The following CPAMD8 variants were observed in gnomAD, a reference collection of about 807,000 sequenced individuals.
CPAMD8 encodes C3 and PZP like alpha-2-macroglobulin domain containing 8.
In CPAMD8, 146 loss-of-function variants were observed where a neutral mutation model predicts 224.7. The observed-to-expected ratio is 0.65, with a 90% confidence interval of 0.57 to 0.75. The LOEUF is 0.75. Ranked by LOEUF, CPAMD8 falls within the 30% of genes least tolerant of loss-of-function variation. The pLI is 0.00. For synonymous variants in CPAMD8, 966 were observed against 1,044.6 expected (o/e 0.92, Z 1.45); for missense variants, 2,301 against 2,537.5 (o/e 0.91, Z 2.00).
Position 16,989,686 on chromosome 19 carries a change from C to T in CPAMD8, c.1352G>A (p.Ser451Asn), listed in dbSNP as rs573381148. ...TGGCTGCAGCTGCAGGTAGCACTGGCTGGGGGAGTACCAGCTGCCGAGGGA... is the reference window on the plus strand; with the variant it reads ...TGGCTGCAGCTGCAGGTAGCACTGGTTGGGGGAGTACCAGCTGCCGAGGGA... ...YLSLGSWYSPSQCYLQLQPPS... is the reference protein window; with the variant it reads ...YLSLGSWYSPNQCYLQLQPPS... Residue 451 changes from serine (S) to asparagine (N), a missense_variant, in exon 13 of 42, where the codon AGC becomes AAC. By Grantham distance (46) the Ser-to-Asn change is conservative. Coordinates refer to ENST00000443236, the MANE Select transcript of CPAMD8 (RefSeq NM_015692.5). 59 of 1,614,026 alleles carry T rather than the reference C, an allele frequency of 3.7e-5. No individual in the cohort carries two copies. In the South Asian group the frequency reaches 6.1e-4, roughly 17 times the overall value.
chr19:16,906,395 T>TTCCTTCCTTCCTTCC (rs1568459746), intron 30 of CPAMD8, among the ~76,000 whole-genome samples: 32 of 80,146 alleles, frequency 4.0e-4, no homozygotes, highest in South Asian at 1.3e-3. Context: ...TCTTTCTTTC[T>TTCCTTCCTTCCTTCC]TTCTTTCTTT....
chr19:16,899,624 C>A lies in CPAMD8; in HGVS notation c.4774-75G>T. 1 of 786,450 alleles carries A rather than the reference C, an allele frequency of 1.3e-6. No homozygotes were observed. Among genetic ancestry groups the A allele is most frequent in the South Asian group, 1.4e-5 (1 of 73,192 alleles). 48.7% of individuals were successfully genotyped at this position (786,450 alleles called of 1,614,324 possible). A position where few individuals can be genotyped will look rare whatever the true frequency, so the allele number is the denominator to read the frequency against. ...TCTCCCATCCCCTGGGGGCAGTGGT[C>A]AGTGGGATGCTTGGACTTGCCCACA... On this transcript the variant is annotated intron_variant, in intron 36 of 41. Transcript: ENST00000443236. The surrounding 1 kb of genome is among the most constrained non-coding windows in gnomAD (Gnocchi z 5.4).
intron 11 of CPAMD8, among the ~76,000 whole-genome samples, chr19:16,996,622 C>G (rs1178075551): frequency 6.6e-6 from 1 of 152,002 alleles, no homozygotes. Context: ...AGTTCGAGAC[C>G]AGCCTGGCCA....
chr19:16,917,138 T>C (rs1459751418), intron 27 of CPAMD8, among the ~76,000 whole-genome samples: 1 of 152,178 alleles, frequency 6.6e-6, no homozygotes, highest in Non-Finnish European at 1.5e-5. Context: ...ATACTTGTAA[T>C]CCTAACACCT....
At chr19:16,913,242 G>A (rs2052795857) in intron 29 of CPAMD8, among the ~76,000 whole-genome samples, 1 of 152,114 alleles carries the variant, frequency 6.6e-6, no homozygotes, top group African/African-American at 2.4e-5. Context: ...ATGAGGGGGT[G>A]TCATGGAATA....
chr19:16,904,609 C>T (rs2052398590), intron 30 of CPAMD8, 57 bp from the exon 31 acceptor site: 2 of 1,182,056 alleles, frequency 1.7e-6, no homozygotes, highest in Non-Finnish European at 2.5e-6. Context: ...GCCTGGCATC[C>T]CATGGAGCGC....
Position 17,002,357 on chromosome 19 carries a change from A to C in CPAMD8, c.674-7T>G, listed in dbSNP as rs1233523587. On this transcript the variant is annotated splice_polypyrimidine_tract_variant and splice_region_variant and intron_variant, in intron 8 of 41. Coordinates refer to ENST00000443236, the MANE Select transcript of CPAMD8 (RefSeq NM_015692.5). ...AGCTCAAACTTGGGCAACACTGAAG[A>C]AAGCAAGCAGAGAGGAGGGGCTGGC... 9 of 1,599,156 alleles carry C rather than the reference A, an allele frequency of 5.6e-6. No homozygotes were observed. Among genetic ancestry groups the C allele is most frequent in the East Asian group, 2.2e-5 (1 of 44,668 alleles).
At position 16,945,573 on chromosome 19, in the gene CPAMD8, G is replaced by A. The variant is rs373827647; in HGVS notation, c.2769C>T (p.His923=). 27 of 1,614,012 alleles carry A rather than the reference G, an allele frequency of 1.7e-5. No homozygotes were observed. Among genetic ancestry groups the A allele is most frequent in the Middle Eastern group, 1.6e-4 (1 of 6,084 alleles). The change falls in exon 22 of 42, where the codon CAC becomes CAT. Residue 923 remains histidine (H), a synonymous_variant. Transcript: ENST00000443236. ...ADRRVPIGVD[H]VRRSVMVEAE... is the part of the protein sequence containing the mutation. ...CCTCAACCATCACACTGCGCCTGAC[G>A]TGATCCACCCCGATGGGGACCCTCC... is the stretch of plus-strand genomic sequence containing the variant.
chr19:16,912,771 C>T (rs555503907), intron 29 of CPAMD8, among the ~76,000 whole-genome samples: 134 of 152,124 alleles, frequency 8.8e-4, no homozygotes, highest in African/African-American at 3.0e-3. Flanking sequence ...AAAGTCTCAC[C>T]TCAAGATATG....
chr19:16,902,452 G>A (rs972236786), intron 35 of CPAMD8, among the ~76,000 whole-genome samples, 197 bp downstream of exon 35: 14 of 152,138 alleles, frequency 9.2e-5, no homozygotes, highest in Non-Finnish European at 1.6e-4. Context: ...AGGAGGCAGA[G>A]GTTGCAGTGA....
intron 17 of CPAMD8, among the ~76,000 whole-genome samples, chr19:16,973,721 C>A (rs2055147180): frequency 6.6e-6 from 1 of 152,052 alleles, no homozygotes; most frequent in Non-Finnish European, 1.5e-5. Flanking sequence ...ACCACCAGCA[C>A]CCTAAGGTGT....
At chr19:16,895,929 G>A (rs750687060) in intron 41 of CPAMD8, 121 of 594,330 alleles carry the variant, frequency 2.0e-4, no homozygotes, top group Admixed American at 5.8e-4. Flanking sequence ...ACACACACAC[G>A]CGCGCGTGCG....
intron 17 of CPAMD8, among the ~76,000 whole-genome samples, chr19:16,971,431 T>C (rs2055059053): frequency 6.6e-6 from 1 of 151,882 alleles, no homozygotes; most frequent in South Asian, 2.1e-4. Flanking sequence ...CCATCCAGGG[T>C]GGAGAAGAGA....
intron 20 of CPAMD8, among the ~76,000 whole-genome samples, 168 bp downstream of exon 20, chr19:16,951,801 C>A (rs895145036): frequency 6.6e-6 from 1 of 152,120 alleles, no homozygotes. Context: ...CTCCCCAAAG[C>A]CCCCCAGGCT....
chr19:16,979,440 A>G (rs55653683), intron 14 of CPAMD8, among the ~76,000 whole-genome samples: 58,225 of 144,832 alleles, frequency 0.4, 12,790 homozygotes, highest in African/African-American at 0.6. Context: ...CCATCCATCC[A>G]TCTATCAATC....
chr19:16,925,869 T>C (rs906941471), intron 25 of CPAMD8, among the ~76,000 whole-genome samples: 1 of 152,102 alleles, frequency 6.6e-6, no homozygotes, highest in Non-Finnish European at 1.5e-5. Flanking sequence ...CTCTCCTGCC[T>C]CAGCCTCCTG....
intron 29 of CPAMD8, among the ~76,000 whole-genome samples, chr19:16,913,932 C>G (rs930841562): frequency 3.3e-5 from 5 of 152,158 alleles, no homozygotes; most frequent in African/African-American, 1.2e-4. Context: ...TCCCCCACCC[C>G]AGGAAAGCCT....
rs1391335340 is a variant in CPAMD8 at position 16,906,410 on chromosome 19, C to CTTT, written c.4027+541_4027+542insAAA. 5.8e-3 allele frequency among the ~76,000 whole-genome samples: 430 copies of CTTT among 74,168 alleles called. 4 individuals carry two copies. The highest frequency in any genetic ancestry group is 6.5e-3 in the Non-Finnish European group (218 of 33,536). 48.7% of individuals were successfully genotyped at this position (74,168 alleles called of 152,430 possible). ...TCTTTCTTTCTTTCTTTCTTTCTTT[C>CTTT]CTTCCTTCCTTCCTTCCTTCCTTCC... On this transcript the variant is annotated intron_variant, in intron 30 of 41. Coordinates refer to ENST00000443236, the MANE Select transcript of CPAMD8 (RefSeq NM_015692.5).
intron 29 of CPAMD8, among the ~76,000 whole-genome samples, chr19:16,910,960 C>T (rs537091775): frequency 1.3e-4 from 20 of 152,276 alleles, no homozygotes; most frequent in Admixed American, 1.2e-3. Context: ...CAAGGGCCTG[C>T]CAATGCCTTG....
Sources: allele counts gnomAD v4.1 joint callset (sites outside exome capture counted in the v4.1 genomes callset), GRCh38; gene constraint gnomAD v4.1.1; non-coding constraint Gnocchi (gnomAD v3.1); transcripts MANE v1.5; gene names NCBI Gene and HGNC (gene_info 2026-07-23, HGNC 2026-07-21).